ROBO2: variants seen among roughly 807,000 people sequenced by gnomAD.
ROBO2 encodes the protein roundabout guidance receptor 2.
ROBO2 carries 53 observed loss-of-function variants against 160.8 expected under a neutral mutation model. The ratio of observed to expected loss-of-function variants is 0.33; its 90% CI spans 0.26 to 0.41. The LOEUF (loss-of-function observed/expected upper bound fraction) is 0.41, where lower values mean the gene tolerates loss of function less well. Ranked by LOEUF, ROBO2 falls within the 10% of genes least tolerant of loss-of-function variation. The pLI is 1.00. For missense variants in ROBO2, 1,577 were observed against 1,722.4 expected, an observed-to-expected ratio of 0.92 and a Z score of 1.49; for synonymous variants, 664 against 611.7, an observed-to-expected ratio of 1.09 and a Z score of -1.26.
intron 2 of ROBO2, among the ~76,000 whole-genome samples, chr3:76,046,860 T>C (rs989148356): frequency 1.3e-5 from 2 of 152,190 alleles, no homozygotes; most frequent in Non-Finnish European, 2.9e-5. Flanking sequence ...TTTGTGCATG[T>C]TAATTGGAAA....
intron 2 of ROBO2, among the ~76,000 whole-genome samples, chr3:77,264,366 G>T (rs758256298): frequency 6.6e-6 from 1 of 151,900 alleles, no homozygotes; most frequent in Admixed American, 6.6e-5. Flanking sequence ...AATCCATCTC[G>T]GCTTCTTTGA....
At chr3:77,165,115 G>A (rs1470043200) in intron 2 of ROBO2, among the ~76,000 whole-genome samples, 9 of 151,954 alleles carry the variant, frequency 5.9e-5, no homozygotes, top group East Asian at 1.9e-4. Context: ...TTTGTGGAAT[G>A]GAAAGGGGGG....
chr3:76,534,356 G>A (rs2082382847), intron 2 of ROBO2, among the ~76,000 whole-genome samples: 1 of 152,078 alleles, frequency 6.6e-6, no homozygotes, highest in African/African-American at 2.4e-5. Flanking sequence ...GTGGCGATGA[G>A]TTTTTAGGCC....
chr3:76,305,846 CAA>C (rs556475405), intron 2 of ROBO2, among the ~76,000 whole-genome samples: 3 of 139,046 alleles, frequency 2.2e-5, no homozygotes, highest in East Asian at 4.1e-4. Context: ...GACTCCATCT[CAA>C]AAAAAAAAAC....
At chr3:77,312,091 A>AG (rs2063592731) in intron 2 of ROBO2, among the ~76,000 whole-genome samples, 1 of 152,096 alleles carries the variant, frequency 6.6e-6, no homozygotes, top group South Asian at 2.1e-4. Flanking sequence ...ATCTCAAAAA[A>AG]GAAAAAAAAA....
chr3:75,991,157 A>G (rs532144909), intron 2 of ROBO2, among the ~76,000 whole-genome samples: 1 of 152,226 alleles, frequency 6.6e-6, no homozygotes, highest in Admixed American at 6.5e-5. Context: ...AAATCTCTCT[A>G]TCTATGTGTG....
chr3:77,002,824 T>A (rs2061397136), intron 2 of ROBO2, among the ~76,000 whole-genome samples: 1 of 152,164 alleles, frequency 6.6e-6, no homozygotes, highest in African/African-American at 2.4e-5. Context: ...AATAATACAA[T>A]AATATTTACT....
At chr3:76,246,177 T>C (rs1055017125) in intron 2 of ROBO2, among the ~76,000 whole-genome samples, 6 of 152,116 alleles carry the variant, frequency 3.9e-5, no homozygotes, top group Admixed American at 2.6e-4. Context: ...AATGGTGTGT[T>C]TGACTCCTAT....
At chr3:76,877,490 A>G (rs984967742) in intron 2 of ROBO2, among the ~76,000 whole-genome samples, 2 of 152,210 alleles carry the variant, frequency 1.3e-5, no homozygotes, top group Admixed American at 6.5e-5. Flanking sequence ...AACATGATCA[A>G]TACAAACCCA....
intron 2 of ROBO2, among the ~76,000 whole-genome samples, chr3:77,143,527 C>T (rs1055211932): frequency 6.6e-6 from 1 of 151,992 alleles, no homozygotes; most frequent in Non-Finnish European, 1.5e-5. Context: ...ATTCATGTAC[C>T]ATACAACTCA....
chr3:77,544,636 C>T (rs906284243), intron 6 of ROBO2, among the ~76,000 whole-genome samples: 2 of 152,092 alleles, frequency 1.3e-5, no homozygotes, highest in African/African-American at 4.8e-5. Context: ...TCTACGTTTA[C>T]CCCATTCTTG....
At chr3:77,203,241 T>C (rs1477752093) in intron 2 of ROBO2, among the ~76,000 whole-genome samples, 1 of 152,262 alleles carries the variant, frequency 6.6e-6, no homozygotes, top group Non-Finnish European at 1.5e-5. Flanking sequence ...AAATATTTTT[T>C]GCTAGATCAC....
At chr3:77,391,508 G>T (rs908033002) in intron 2 of ROBO2, among the ~76,000 whole-genome samples, 1 of 151,974 alleles carries the variant, frequency 6.6e-6, no homozygotes, top group African/African-American at 2.4e-5. Flanking sequence ...CAACAGGCAA[G>T]AGAGAGCTTG....
chr3:77,585,232 ATC>A, intron 16 of ROBO2, among the ~76,000 whole-genome samples: 1 of 151,128 alleles, frequency 6.6e-6, no homozygotes, highest in African/African-American at 2.4e-5. Context: ...CAGATATTTT[ATC>A]TGTTTGCCAG....
At chr3:76,555,564 G>C (rs1198434871) in intron 2 of ROBO2, among the ~76,000 whole-genome samples, 1 of 152,050 alleles carries the variant, frequency 6.6e-6, no homozygotes, top group Non-Finnish European at 1.5e-5. Flanking sequence ...TAAAACCTCA[G>C]GTACTTTGTA....
chr3:76,168,997 C>T (rs552424958), intron 2 of ROBO2, among the ~76,000 whole-genome samples: 69 of 151,258 alleles, frequency 4.6e-4, no homozygotes, highest in Middle Eastern at 3.4e-3. Context: ...TTAATGATTC[C>T]CTGTAGTACT....
chr3:77,049,352 C>T (rs188368898), intron 1 of ROBO2, among the ~76,000 whole-genome samples: 72 of 152,160 alleles, frequency 4.7e-4, no homozygotes, highest in Admixed American at 1.5e-3. Flanking sequence ...CAAATTTAGG[C>T]TTGAAAAGAA....
intron 6 of ROBO2, 37 bp downstream of exon 7, chr3:77,527,451 T>C: frequency 7.9e-7 from 1 of 1,270,198 alleles, no homozygotes; most frequent in Non-Finnish European, 1.0e-6. Context: ...AGCATGGCTT[T>C]GCACAGTGCT....
chr3:77,442,840 G>C (rs2080092905), intron 2 of ROBO2, among the ~76,000 whole-genome samples: 1 of 152,120 alleles, frequency 6.6e-6, no homozygotes, highest in Non-Finnish European at 1.5e-5. Context: ...TTTCTGAAAT[G>C]GTTTTGCAAG....
Sources: allele counts gnomAD v4.1 joint callset (sites outside exome capture counted in the v4.1 genomes callset), GRCh38; gene constraint gnomAD v4.1.1; transcripts MANE v1.5; gene names NCBI Gene and HGNC (gene_info 2026-07-23, HGNC 2026-07-21).